The following SLC12A1 variants were observed in gnomAD, a reference collection of about 807,000 sequenced individuals.
The protein encoded by SLC12A1 is Na-K-2Cl cotransporter.
A neutral mutation model predicts 130.4 loss-of-function variants in SLC12A1; 89 were observed. The ratio of observed to expected loss-of-function variants is 0.68; its 90% CI spans 0.58 to 0.81. The LOEUF is 0.81. SLC12A1 is among the 40% of genes least tolerant of loss of function. The pLI, the probability that SLC12A1 is intolerant of heterozygous loss-of-function variation, is 0.00. For missense variants in SLC12A1, 1,310 were observed against 1,336.4 expected (o/e 0.98, Z 0.31); for synonymous variants, 499 against 460.0 (o/e 1.08, Z -1.09).
At position 48,229,224 on chromosome 15, in the gene SLC12A1, C is replaced by G. The variant is rs367562995; in HGVS notation, c.760C>G (p.Pro254Ala). 150 of 1,591,150 alleles carry G rather than the reference C, an allele frequency of 9.4e-5. No homozygotes were observed. The highest frequency in any genetic ancestry group is 1.1e-4 in the Non-Finnish European group (132 of 1,167,956). The change falls in exon 6 of 27, where the codon CCC becomes GCC. Residue 254 changes from proline (P) to alanine (A), a missense_variant. Transcript: ENST00000380993. ...CTATCTTATTTCCAGAAGTTTAGGG[C>G]CCGAGTTCGGTGGGTCAATAGGCCT... ...AYYLISRSLG[P>A]EFGGSIGLIF...
intron 7 of SLC12A1, among the ~76,000 whole-genome samples, chr15:48,231,684 A>G (rs1381478933): frequency 6.6e-6 from 1 of 152,234 alleles, no homozygotes; most frequent in African/African-American, 2.4e-5. Context: ...GTAAATCTGC[A>G]ACTGCTCTAT....
At chr15:48,222,489 A>C (rs1380696318) in intron 4 of SLC12A1, 1 of 151,882 alleles carries the variant, frequency 6.6e-6, no homozygotes, top group Non-Finnish European at 1.5e-5. Flanking sequence ...TATTTTAATA[A>C]AGATCTTTAT....
intron 2 of SLC12A1, among the ~76,000 whole-genome samples, chr15:48,209,982 C>A (rs1463432586): frequency 3.3e-5 from 5 of 152,138 alleles, no homozygotes; most frequent in African/African-American, 4.8e-5. Context: ...GTTAGCAATG[C>A]GACAATTTCA....
At chr15:48,275,017 T>A (rs138345904) in intron 20 of SLC12A1, among the ~76,000 whole-genome samples, 274 of 152,278 alleles carry the variant, frequency 1.8e-3, no homozygotes, top group African/African-American at 4.5e-3. Context: ...GAAAAACACG[T>A]ATTTTGCTTT....
chr15:48,244,975 T>C, intron 11 of SLC12A1, 71 bp downstream of exon 11: 2 of 1,388,122 alleles, frequency 1.4e-6, no homozygotes, highest in Non-Finnish European at 2.0e-6. Flanking sequence ...GAGTAAGATT[T>C]CTGAATCTGC....
Position 48,220,781 on chromosome 15 carries a change from T to G in SLC12A1, c.552+16T>G. The G allele has an allele frequency of 6.2e-7, 1 of 1,613,944 alleles. No homozygotes were observed. Among genetic ancestry groups the G allele is most frequent in the Non-Finnish European group, 8.5e-7 (1 of 1,179,848 alleles). ...AGGTGTGCTGGTGAGAAAGCTCTTC[T>G]GTTTACAAATGAAAACTATCCATTC... On this transcript the variant is annotated intron_variant, in intron 3 of 26. Coordinates refer to ENST00000380993, the MANE Select transcript of SLC12A1 (RefSeq NM_000338.3).
intron 16 of SLC12A1, among the ~76,000 whole-genome samples, chr15:48,257,460 G>A (rs1291932669): frequency 6.6e-6 from 1 of 152,120 alleles, no homozygotes; most frequent in Non-Finnish European, 1.5e-5. Flanking sequence ...TGAGTGCTCT[G>A]CCCCTGCAGC....
chr15:48,294,347 C>CAAAAA (rs1202623612), intron 24 of SLC12A1, among the ~76,000 whole-genome samples: 2 of 46,328 alleles, frequency 4.3e-5, no homozygotes, highest in African/African-American at 1.4e-4. Context: ...GACTACATCT[C>CAAAAA]AAAAAAAAAA....
chr15:48,234,100 A>C (rs1201239787), intron 8 of SLC12A1, among the ~76,000 whole-genome samples: 1 of 152,162 alleles, frequency 6.6e-6, no homozygotes, highest in African/African-American at 2.4e-5. Context: ...TGTAAAGTAG[A>C]CTCACACACA....
intron 10 of SLC12A1, among the ~76,000 whole-genome samples, chr15:48,242,241 G>T (rs1291803103): frequency 1.3e-5 from 2 of 152,192 alleles, no homozygotes; most frequent in African/African-American, 4.8e-5. Context: ...CTGGTTGGGG[G>T]TTGCCTCATA....
chr15:48,290,342 G>A (rs1383031411), intron 23 of SLC12A1, among the ~76,000 whole-genome samples: 2 of 152,122 alleles, frequency 1.3e-5, no homozygotes. Context: ...TAAAGGACCT[G>A]CCTGAAGCTG....
At chr15:48,266,220 C>T (rs970806103) in intron 17 of SLC12A1, among the ~76,000 whole-genome samples, 1 of 152,200 alleles carries the variant, frequency 6.6e-6, no homozygotes, top group Non-Finnish European at 1.5e-5. Context: ...GATCTCAACC[C>T]AACATTCTGA....
At position 48,207,745 on chromosome 15, in the gene SLC12A1, T is replaced by C. The variant is rs764642727; in HGVS notation, c.26T>C (p.Val9Ala). 6 of 1,592,556 alleles carry C rather than the reference T, an allele frequency of 3.8e-6. No individual in the cohort carries two copies. Among genetic ancestry groups the C allele is most frequent in the Non-Finnish European group, 1.7e-6 (2 of 1,169,200 alleles). Reference sequence around the variant, plus strand: ...ATGTCACTGAACAACTCTTCCAATGTATTTCTGGATTCAGTGCCCAGTAAT... The same window carrying C: ...ATGTCACTGAACAACTCTTCCAATGCATTTCTGGATTCAGTGCCCAGTAAT... MSLNNSSNVFLDSVPSNTN... is the reference protein window; with the variant it reads MSLNNSSNAFLDSVPSNTN... The change falls in exon 2 of 27, where the codon GTA becomes GCA. Residue 9 changes from valine (V) to alanine (A), a missense_variant. Coordinates refer to ENST00000380993, the MANE Select transcript of SLC12A1 (RefSeq NM_000338.3).
At chr15:48,247,303 T>C (rs753113128) in intron 12 of SLC12A1, 34 bp from the exon 13 acceptor site, 2 of 1,593,690 alleles carry the variant, frequency 1.3e-6, no homozygotes, top group African/African-American at 1.4e-5. Flanking sequence ...TGCATAGCTA[T>C]AAATGACAAA....
chr15:48,259,371 T>G (rs1261860303), intron 17 of SLC12A1, 60 bp downstream of exon 17: 2 of 1,159,336 alleles, frequency 1.7e-6, no homozygotes, highest in Admixed American at 1.7e-5. Flanking sequence ...TGGATTATTT[T>G]GGGTGAGGAG....
At chr15:48,267,516 T>C (rs1359357262) in intron 17 of SLC12A1, 45 bp from the exon 18 acceptor site, 1 of 1,606,500 alleles carries the variant, frequency 6.2e-7, no homozygotes, top group South Asian at 1.1e-5. Flanking sequence ...AGCAATGTGA[T>C]ATATAATAGC....
chr15:48,279,157 C>G (rs755478480), intron 20 of SLC12A1, among the ~76,000 whole-genome samples: 55 of 152,202 alleles, frequency 3.6e-4, no homozygotes, highest in Non-Finnish European at 7.2e-4. Flanking sequence ...CGCCACATTT[C>G]CATGCATTGT....
At position 48,220,686 on chromosome 15, in the gene SLC12A1, T is replaced by C. The variant is rs933407549; in HGVS notation, c.473T>C (p.Ile158Thr). ...SADRVANGDG[I>T]PGDEQAENKE... ...GACAGAGTTGCTAACGGTGATGGGA[T>C]ACCTGGAGATGAACAAGCTGAAAAT... The change falls in exon 3 of 27, where the codon ATA becomes ACA. Residue 158 changes from isoleucine to threonine, a missense_variant. By Grantham distance (89) the Ile-to-Thr change is moderately conservative. Transcript: ENST00000380993. 1 of 1,613,728 alleles carries C rather than the reference T, an allele frequency of 6.2e-7. No individual in the cohort carries two copies. Among genetic ancestry groups the C allele is most frequent in the African/African-American group, 1.3e-5 (1 of 74,936 alleles).
rs1177206808 is a variant in SLC12A1 at position 48,302,789 on chromosome 15, G to A, written c.3204G>A (p.Leu1068=). 8.1e-6 allele frequency: 13 copies of A among 1,613,382 alleles called. No homozygotes were observed. The highest frequency in any genetic ancestry group is 1.1e-5 in the Non-Finnish European group (13 of 1,179,526). ...CAAGAAAGGGATCCATATCGGATTTGTTGTATATGGCTTGGTTGGAAATCC... is the reference window on the plus strand; with the variant it reads ...CAAGAAAGGGATCCATATCGGATTTATTGTATATGGCTTGGTTGGAAATCC... ...PVARKGSISD[L]LYMAWLEILT... Residue 1068 remains leucine, a synonymous_variant, in exon 27 of 27, where the codon TTG becomes TTA. Transcript: ENST00000380993.
Sources: allele counts gnomAD v4.1 joint callset (sites outside exome capture counted in the v4.1 genomes callset), GRCh38; gene constraint gnomAD v4.1.1; transcripts MANE v1.5; gene names NCBI Gene and HGNC (gene_info 2026-07-23, HGNC 2026-07-21).